Variants in RBM28 observed in about 807,000 individuals in gnomAD.
The protein encoded by RBM28 is RNA binding motif protein 28.
A neutral mutation model predicts 98.3 loss-of-function variants in RBM28; 78 were observed. That is an observed-to-expected ratio of 0.79 (90% CI 0.66 to 0.96). The LOEUF is 0.96. Ranked by LOEUF, RBM28 falls within the 40% of genes least tolerant of loss-of-function variation. RBM28 has a pLI of 0.00. For synonymous variants in RBM28, 306 were observed against 330.9 expected (o/e 0.92, Z 0.82); for missense variants, 838 against 913.0 (o/e 0.92, Z 1.06).
chr7:128,324,640 G>C lies in RBM28; in HGVS notation c.1258C>G (p.Arg420Gly). Residue 420 changes from arginine to glycine, a missense_variant, in exon 12 of 19, where the codon CGT becomes GGT. Physicochemically the swap from Arg to Gly is moderately radical, Grantham distance 125. Coordinates refer to ENST00000223073, the MANE Select transcript of RBM28 (RefSeq NM_018077.3). ...RQLKVDLAVT[R>G]DEAAKLQTTK... ...GTCTGAAGCTTTGCAGCCTCATCAC[G>C]GGTCACCGCCAAGTCAACCTTGAGC... The C allele has an allele frequency of 6.2e-7, 1 of 1,614,144 alleles. No homozygotes were observed. Among genetic ancestry groups the C allele is most frequent in the Non-Finnish European group, 8.5e-7 (1 of 1,180,028 alleles).
rs1795968246 is a variant in RBM28, at chr7:128,310,894, G to A, written c.2183C>T (p.Thr728Ile). 2 of 1,613,776 alleles carry A rather than the reference G, an allele frequency of 1.2e-6. No homozygotes were observed. Among genetic ancestry groups the A allele is most frequent in the Non-Finnish European group, 1.7e-6 (2 of 1,179,730 alleles). The change falls in exon 19 of 19, where the codon ACC becomes ATC. Residue 728 changes from threonine to isoleucine, a missense_variant. Thr to Ile is a moderately conservative substitution (Grantham distance 89). Transcript: ENST00000223073. ...TTGTTCGACCAGCTGGTTGAAGCGG[G>A]TTTCCGTCTTATTTCCCTTAGCTTT... Reference protein sequence around the residue: ...RKKAKGNKTETRFNQLVEQYK... With the variant: ...RKKAKGNKTEIRFNQLVEQYK...
In RBM28 at chr7:128,308,143, G is replaced by A. The variant is rs1795902636; in HGVS notation, c.*2654C>T. On this transcript the variant is annotated 3_prime_UTR_variant, in exon 19 of 19. Coordinates refer to ENST00000223073, the MANE Select transcript of RBM28 (RefSeq NM_018077.3). ...GTTCCAAAGGAAGACACCATATATA[G>A]AATTTGACTATTAAGAAAGGGAAGA... The A allele has an allele frequency of 6.6e-6, 1 of 152,152 alleles. No individual in the cohort carries two copies. Among genetic ancestry groups the A allele is most frequent in the Non-Finnish European group, 1.5e-5 (1 of 68,036 alleles). 9.4% of individuals were successfully genotyped at this position (152,152 alleles called of 1,614,324 possible). A position where few individuals can be genotyped will look rare whatever the true frequency, so the allele number is the denominator to read the frequency against.
chr7:128,330,441 G>A (rs1232183562), intron 10 of RBM28, among the ~76,000 whole-genome samples: 1 of 144,322 alleles, frequency 6.9e-6, no homozygotes, highest in Non-Finnish European at 1.5e-5. Context: ...GAGTGCAGTG[G>A]CATGATCTCG....
chr7:128,317,770 C>A, intron 15 of RBM28, 37 bp from the exon 16 acceptor site: 1 of 1,522,084 alleles, frequency 6.6e-7, no homozygotes, highest in East Asian at 2.3e-5. Context: ...CATTAGACTT[C>A]TTAATCTGTG....
In RBM28 at chr7:128,334,798, T is replaced by C. The variant is rs147845623; in HGVS notation, c.946+745A>G. Among the ~76,000 whole-genome samples the C allele has an allele frequency of 3.2e-3, 494 of 152,292 alleles. 2 individuals are homozygous for C. The highest frequency in any genetic ancestry group is 0.011 in the African/African-American group (472 of 41,552). Reference sequence around the variant, plus strand: ...TAATTGTATTTGGAGACAGAGACTTTAGGGAGGTAACTGAGGCTAGCTAAA... The same window carrying C: ...TAATTGTATTTGGAGACAGAGACTTCAGGGAGGTAACTGAGGCTAGCTAAA... On this transcript the variant is annotated intron_variant, in intron 8 of 18. Transcript: ENST00000223073.
intron 16 of RBM28, among the ~76,000 whole-genome samples, chr7:128,317,157 G>A (rs748342839): frequency 2.0e-5 from 3 of 152,138 alleles, no homozygotes; most frequent in African/African-American, 4.8e-5. Context: ...AGTTCAGAGC[G>A]GTAATAACTG....
chr7:128,336,776 C>T (rs973802699), intron 6 of RBM28, among the ~76,000 whole-genome samples: 12 of 151,968 alleles, frequency 7.9e-5, no homozygotes, highest in Admixed American at 3.3e-4. Context: ...TTTTTTGAGA[C>T]GAAGTCTCGT....
chr7:128,312,450 A>T (rs1333404671), intron 18 of RBM28, among the ~76,000 whole-genome samples: 1 of 152,182 alleles, frequency 6.6e-6, no homozygotes, highest in Non-Finnish European at 1.5e-5. Context: ...ACCAGACCGA[A>T]CTAACTACCA....
chr7:128,307,534 G>A lies in RBM28; in HGVS notation c.*3263C>T, dbSNP rs1014961686. ...CACATGCCCTAACTTTATAATAGAG[G>A]AAGGCACAGATCTCATTTTTGTGAC... On this transcript the variant is annotated 3_prime_UTR_variant, in exon 19 of 19. Coordinates refer to ENST00000223073, the MANE Select transcript of RBM28 (RefSeq NM_018077.3). The A allele has an allele frequency of 1.3e-5, 2 of 152,032 alleles. No homozygotes were observed. The highest frequency in any genetic ancestry group is 4.8e-5 in the African/African-American group (2 of 41,312). The allele number at this position is 152,032 out of a possible 1,614,324, so 9.4% of individuals were successfully genotyped here. A position where few individuals can be genotyped will look rare whatever the true frequency, so the allele number is the denominator to read the frequency against.
chr7:128,335,456 AAG>A, intron 8 of RBM28, 85 bp downstream of exon 8: 1 of 1,525,832 alleles, frequency 6.6e-7, no homozygotes, highest in Non-Finnish European at 9.0e-7. Context: ...CCTATTTAAA[AAG>A]AGATCTAAGC....
chr7:128,310,966 A>C lies in RBM28; in HGVS notation c.2146-35T>G, dbSNP rs752330820. The C allele has an allele frequency of 1.9e-6, 3 of 1,593,648 alleles. No individual in the cohort carries two copies. In the South Asian group the frequency reaches 3.3e-5, roughly 18 times the overall value. ...AAAGGATTAGAAACATAATATAATC[A>C]ATTTCAAAGACTATATATCACCTTA... On this transcript the variant is annotated intron_variant, in intron 18 of 18. Transcript: ENST00000223073.
rs1299162486 is a variant in RBM28 at position 128,299,573 on chromosome 7, G to A, written c.*11224C>T. ...ATAATGACATATGTTTCTCTTCACAGCAGTTTGTAATAGCAAAGGTTGGAA... is the reference window on the plus strand; with the variant it reads ...ATAATGACATATGTTTCTCTTCACAACAGTTTGTAATAGCAAAGGTTGGAA... On this transcript the variant is annotated 3_prime_UTR_variant, in exon 19 of 19. Coordinates refer to ENST00000223073, the MANE Select transcript of RBM28 (RefSeq NM_018077.3). The A allele has an allele frequency of 6.6e-6, 1 of 152,202 alleles. No homozygotes were observed. Among genetic ancestry groups the A allele is most frequent in the Non-Finnish European group, 1.5e-5 (1 of 68,034 alleles). 9.4% of individuals were successfully genotyped at this position (152,202 alleles called of 1,614,324 possible).
Position 128,343,676 on chromosome 7 carries a change from C to T in RBM28, c.118G>A (p.Gly40Arg), listed in dbSNP as rs1303780748. ...VKQCFVVTEK[G>R]SKACRGFGYV... ...CTATCCTCGACCGCCCCGCCCCTAC[C>T]TTTTTCAGTCACCACGAAGCACTGC... The change falls in exon 1 of 19, where the codon GGG becomes AGG. Residue 40 changes from glycine (G) to arginine (R), a missense_variant and splice_region_variant. Physicochemically the swap from Gly to Arg is moderately radical, Grantham distance 125. Transcript: ENST00000223073. The T allele has an allele frequency of 1.9e-6, 3 of 1,603,552 alleles. No individual in the cohort carries two copies. Among genetic ancestry groups the T allele is most frequent in the Non-Finnish European group, 1.7e-6 (2 of 1,174,178 alleles).
rs1319331863 is a variant in RBM28 at position 128,304,180 on chromosome 7, T to C, written c.*6617A>G. The C allele has an allele frequency of 6.8e-6, 1 of 147,252 alleles. No individual in the cohort carries two copies. Among genetic ancestry groups the C allele is most frequent in the African/African-American group, 2.7e-5 (1 of 37,678 alleles). 9.1% of individuals were successfully genotyped at this position (147,252 alleles called of 1,614,324 possible). ...AAAATGATGTGCAGCACATAATTTA[T>C]AAATAAAATATACAATGCCATTTAT... is the stretch of plus-strand genomic sequence containing the variant. On this transcript the variant is annotated 3_prime_UTR_variant, in exon 19 of 19. Transcript: ENST00000223073.
At chr7:128,315,261 G>A (rs752597109) in intron 16 of RBM28, among the ~76,000 whole-genome samples, 15 of 152,190 alleles carry the variant, frequency 9.9e-5, no homozygotes, top group Non-Finnish European at 2.1e-4. Context: ...ATAAGGGAGA[G>A]TGCATGCCCA....
chr7:128,330,371 C>CTTTTTTTT (rs72352301), intron 10 of RBM28, among the ~76,000 whole-genome samples: 2 of 83,450 alleles, frequency 2.4e-5, no homozygotes, highest in African/African-American at 9.3e-5. Context: ...GTCCCTGGTC[C>CTTTTTTTT]TTTTTTTTTT....
intron 10 of RBM28, among the ~76,000 whole-genome samples, chr7:128,330,394 T>C (rs563014984): frequency 0.023 from 3,302 of 145,364 alleles, 86 homozygotes; most frequent in African/African-American, 0.083. Flanking sequence ...TTTTTTTTTT[T>C]CGTGGAAACA....
In RBM28 at chr7:128,324,448, G is replaced by T; in HGVS notation, c.1339+111C>A. The T allele has an allele frequency of 2.1e-6, 3 of 1,457,014 alleles. No homozygotes were observed. In the African/African-American group the frequency reaches 4.2e-5, roughly 20 times the overall value. 90.3% of individuals were successfully genotyped at this position (1,457,014 alleles called of 1,614,324 possible). ...AATGATCATATAACACTGTTAAAGA[G>T]AACATTTGGGTTTTTAATTTGAAAC... On this transcript the variant is annotated intron_variant, in intron 12 of 18. Transcript: ENST00000223073.
chr7:128,341,816 A>G (rs1427420104), intron 1 of RBM28, among the ~76,000 whole-genome samples: 1 of 152,214 alleles, frequency 6.6e-6, no homozygotes, highest in Admixed American at 6.5e-5. Context: ...TTAAAACTTA[A>G]AAGTTTTACA....
Sources: allele counts gnomAD v4.1 joint callset (sites outside exome capture counted in the v4.1 genomes callset), GRCh38; gene constraint gnomAD v4.1.1; transcripts MANE v1.5; gene names NCBI Gene and HGNC (gene_info 2026-07-23, HGNC 2026-07-21).